The following NUP93 variants were observed in gnomAD, a reference collection of about 807,000 sequenced individuals.
The protein encoded by NUP93 is nuclear pore complex protein Nup93.
In NUP93, 55 loss-of-function variants were observed where a neutral mutation model predicts 107.8. That is an observed-to-expected ratio of 0.51 (90% CI 0.41 to 0.64). NUP93 has a LOEUF of 0.64. Ranked by LOEUF, NUP93 falls within the 30% of genes least tolerant of loss-of-function variation. The pLI, the probability that NUP93 is intolerant of heterozygous loss-of-function variation, is 0.00. For synonymous variants in NUP93, 390 were observed against 397.5 expected (o/e 0.98, Z 0.22); for missense variants, 937 against 1,044.7 (o/e 0.90, Z 1.42).
chr16:56,742,876 A>G (rs1961761842), intron 1 of NUP93, among the ~76,000 whole-genome samples: 2 of 152,246 alleles, frequency 1.3e-5, no homozygotes, highest in Admixed American at 1.3e-4. Flanking sequence ...CCCTGAGTAA[A>G]GGAAGAGAGG....
chr16:56,832,297 G>A lies in NUP93; in HGVS notation c.1254G>A (p.Leu418=). 1 of 1,613,754 alleles carries A rather than the reference G, an allele frequency of 6.2e-7. No homozygotes were observed. Among genetic ancestry groups the A allele is most frequent in the Non-Finnish European group, 8.5e-7 (1 of 1,179,680 alleles). ...ATGTGTTTCTCTTGGGGATTTAGTT[G>A]AACCAAGTGTGTTTTGACGACGATG... ...DKTEDYLWLK[L]NQVCFDDDGT... is the part of the protein sequence containing the mutation. The change falls in exon 12 of 22, where the codon TTG becomes TTA. Residue 418 remains leucine (L), a splice_region_variant and synonymous_variant. Transcript: ENST00000308159.
chr16:56,838,137 C>T (rs1471947520), intron 18 of NUP93, among the ~76,000 whole-genome samples: 1 of 152,126 alleles, frequency 6.6e-6, no homozygotes, highest in Non-Finnish European at 1.5e-5. Context: ...ACCTGGATCC[C>T]CAGTGAGTTA....
intron 4 of NUP93, among the ~76,000 whole-genome samples, chr16:56,802,127 A>G (rs1963033653): frequency 6.6e-6 from 1 of 152,062 alleles, no homozygotes; most frequent in African/African-American, 2.4e-5. Flanking sequence ...CCTGCCTCCT[A>G]ACTTCTACCC....
intron 5 of NUP93, among the ~76,000 whole-genome samples, chr16:56,808,520 A>ATAAAATATATAGTTACGTAAC (rs1963221973): frequency 8.1e-6 from 1 of 123,858 alleles, no homozygotes; most frequent in Non-Finnish European, 1.6e-5. Flanking sequence ...TTATGTAACT[A>ATAAAATATATAGTTACGTAAC]TATATAAATA....
chr16:56,762,642 C>G (rs1452073422), intron 3 of NUP93, among the ~76,000 whole-genome samples: 1 of 152,094 alleles, frequency 6.6e-6, no homozygotes, highest in Non-Finnish European at 1.5e-5. Flanking sequence ...GCCAAACTTA[C>G]TATATTAAAT....
At position 56,832,339 on chromosome 16, in the gene NUP93, A is replaced by G; in HGVS notation, c.1296A>G (p.Gln432=). 6.2e-7 allele frequency: 1 copy of G among 1,614,194 alleles called. No individual in the cohort carries two copies. Among genetic ancestry groups the G allele is most frequent in the African/African-American group, 1.3e-5 (1 of 75,056 alleles). ...CFDDDGTSSP[Q]DRLTLSQFQK... is the part of the protein sequence containing the mutation. Reference sequence around the variant, plus strand: ...ACGACGATGGCACCAGCTCCCCACAAGACAGGCTCACTCTCTCACAGTTCC... The same window carrying G: ...ACGACGATGGCACCAGCTCCCCACAGGACAGGCTCACTCTCTCACAGTTCC... The change falls in exon 12 of 22, where the codon CAA becomes CAG. Residue 432 remains glutamine, a synonymous_variant. Transcript: ENST00000308159.
Position 56,829,046 on chromosome 16 carries a change from G to T in NUP93, c.864G>T (p.Gly288=). The T allele has an allele frequency of 1.9e-6, 3 of 1,613,624 alleles. No individual in the cohort carries two copies. Among genetic ancestry groups the T allele is most frequent in the Non-Finnish European group, 2.5e-6 (3 of 1,179,862 alleles). The change falls in exon 9 of 22, where the codon GGG becomes GGT. Residue 288 remains glycine (G), a synonymous_variant. Transcript: ENST00000308159. ...LHQAQLGGVP[G]TYQLVRSFLN... Reference sequence around the variant, plus strand: ...AGGCCCAGCTGGGCGGGGTGCCTGGGACTTACCAATTGGTTCGAAGTTTCC... The same window carrying T: ...AGGCCCAGCTGGGCGGGGTGCCTGGTACTTACCAATTGGTTCGAAGTTTCC...
intron 3 of NUP93, among the ~76,000 whole-genome samples, chr16:56,767,093 C>G (rs1230762389): frequency 6.6e-6 from 1 of 152,250 alleles, no homozygotes; most frequent in African/African-American, 2.4e-5. Context: ...GACAGCCATG[C>G]TGGGGCTAAG....
At chr16:56,815,865 ACTGCTGCTG>A (rs59958027) in intron 5 of NUP93, among the ~76,000 whole-genome samples, 118 of 147,076 alleles carry the variant, frequency 8.0e-4, no homozygotes, top group African/African-American at 1.9e-3. Context: ...TACTACTGCT[ACTGCTGCTG>A]CTGCTGCTGC....
intron 5 of NUP93, among the ~76,000 whole-genome samples, chr16:56,808,521 TATATAA>T (rs1249082899): frequency 1.6e-5 from 2 of 124,036 alleles, no homozygotes; most frequent in African/African-American, 6.5e-5. Flanking sequence ...TATGTAACTA[TATATAA>T]ATATAGTTAT....
At chr16:56,839,208 G>C in intron 19 of NUP93, 139 bp downstream of exon 19, 1 of 444,000 alleles carries the variant, frequency 2.3e-6, no homozygotes, top group Non-Finnish European at 4.0e-6. Context: ...ACAATCCTGG[G>C]ACTTAAAAGG....
intron 21 of NUP93, 75 bp from the exon 22 acceptor site, chr16:56,844,424 G>A: frequency 1.2e-6 from 1 of 837,114 alleles, no homozygotes; most frequent in Non-Finnish European, 1.7e-6. Context: ...ATGGAATAGA[G>A]GATGGAAGAA....
intron 5 of NUP93, among the ~76,000 whole-genome samples, chr16:56,808,583 T>TC (rs1567398954): frequency 1.6e-5 from 2 of 125,226 alleles, no homozygotes; most frequent in African/African-American, 6.5e-5. Flanking sequence ...TATATAAATA[T>TC]TTATAAATAT....
At chr16:56,815,995 A>G (rs1481093008) in intron 5 of NUP93, among the ~76,000 whole-genome samples, 3 of 151,988 alleles carry the variant, frequency 2.0e-5, no homozygotes, top group Admixed American at 6.6e-5. Context: ...GTTTTTGGAG[A>G]GTTGCCCTGG....
At chr16:56,763,286 C>G (rs1010857404) in intron 3 of NUP93, among the ~76,000 whole-genome samples, 10 of 152,140 alleles carry the variant, frequency 6.6e-5, no homozygotes, top group Non-Finnish European at 1.3e-4. Context: ...AGGGTGACTA[C>G]TTATATCTGA....
chr16:56,849,633 GCAAAT>G lies in NUP93; in HGVS notation c.*5025_*5029del, dbSNP rs1287774563. ...GGCCCCTTCATCCGGGTCAGACTTA[GCAAAT>G]AAAAATATAGGACACTCAATTAAGT... is the stretch of plus-strand genomic sequence containing the variant. On this transcript the variant is annotated 3_prime_UTR_variant, in exon 22 of 22. Transcript: ENST00000308159. 6.6e-6 allele frequency: 1 copy of G among 152,076 alleles called. No homozygotes were observed. Among genetic ancestry groups the G allele is most frequent in the African/African-American group, 2.4e-5 (1 of 41,426 alleles). 9.4% of individuals were successfully genotyped at this position (152,076 alleles called of 1,614,324 possible).
chr16:56,798,859 G>A (rs1259900318), intron 4 of NUP93, among the ~76,000 whole-genome samples: 4 of 147,816 alleles, frequency 2.7e-5, no homozygotes, highest in Admixed American at 6.8e-5. Flanking sequence ...AATGAGGAGC[G>A]AGACCCTGTC....
rs115509276 is a variant in NUP93, at chr16:56,813,808, C to A, written c.490-4856C>A. The stretch of plus-strand genomic sequence containing the variant: ...TTTTACAACTTCTCCTAGGTTAATA[C>A]ACATAGGTGTCTGTCGTTTTTTAGT... On this transcript the variant is annotated intron_variant, in intron 5 of 21. Transcript: ENST00000308159. Among the ~76,000 whole-genome samples the A allele has an allele frequency of 6.5e-3, 993 of 152,304 alleles. 18 individuals are homozygous for A. Among genetic ancestry groups the A allele is most frequent in the African/African-American group, 0.023 (964 of 41,562 alleles).
chr16:56,782,095 G>C, intron 3 of NUP93: 1 of 985,296 alleles, frequency 1.0e-6, no homozygotes, highest in East Asian at 1.1e-4. Context: ...AGGCAGTTTG[G>C]GGTGGGAAAA....
Sources: gnomAD v4.1 joint callset for allele counts (sites outside exome capture counted in the v4.1 genomes callset) on GRCh38, gnomAD v4.1.1 for gene constraint, MANE v1.5 for transcripts, NCBI Gene and HGNC (gene_info 2026-07-23, HGNC 2026-07-21) for gene names.